Variants in MED1 observed in about 807,000 individuals in gnomAD.
MED1 encodes mediator of RNA polymerase II transcription subunit 1.
Under a neutral mutation model 121.3 loss-of-function variants are expected in MED1, and 17 were observed. The observed-to-expected ratio is 0.14, with a 90% CI of 0.10 to 0.21. MED1 has a LOEUF of 0.21. Ranked by LOEUF, MED1 falls within the 10% of genes least tolerant of loss-of-function variation. The probability of loss-of-function intolerance (pLI) is 1.00; values close to 1 mark genes in which losing one functional copy is unlikely to be tolerated. For missense variants in MED1, 1,558 were observed against 1,919.4 expected, an observed-to-expected ratio of 0.81 and a Z score of 3.52; for synonymous variants, 661 against 694.4, an observed-to-expected ratio of 0.95 and a Z score of 0.76.
In MED1 at chr17:39,434,378, T is replaced by C. The variant is rs937050234; in HGVS notation, c.429-58A>G. 4.6e-6 allele frequency: 4 copies of C among 876,346 alleles called. No homozygotes were observed. In the African/African-American group the frequency reaches 5.3e-5, roughly 12 times the overall value. 54.3% of individuals were successfully genotyped at this position (876,346 alleles called of 1,614,324 possible). ...GGAAAATAAAACATAAAATTACTAC[T>C]CAATCTTACAACAAAGTGCCAAAAA... is the stretch of plus-strand genomic sequence containing the variant. On this transcript the variant is annotated intron_variant, in intron 6 of 16. Coordinates refer to ENST00000300651, the MANE Select transcript of MED1 (RefSeq NM_004774.4).
At position 39,451,132 on chromosome 17, in the gene MED1, A is replaced by C; in HGVS notation, c.-70T>G. ...CTTCCCCACCACTAACGGAGGAAAC[A>C]AGTTGGCTCGGGATCCCGGGACGCA... On this transcript the variant is annotated 5_prime_UTR_variant, in exon 1 of 17. Transcript: ENST00000300651. The C allele has an allele frequency of 6.3e-7, 1 of 1,583,412 alleles. No homozygotes were observed. The highest frequency in any genetic ancestry group is 8.6e-7 in the Non-Finnish European group (1 of 1,159,274).
chr17:39,447,328 T>G (rs553995027), intron 2 of MED1, among the ~76,000 whole-genome samples: 2 of 151,708 alleles, frequency 1.3e-5, no homozygotes, highest in Non-Finnish European at 2.9e-5. Context: ...GAGGCAGAGG[T>G]TGCAGTGAGC....
chr17:39,429,115 T>C (rs1417933863), intron 9 of MED1, among the ~76,000 whole-genome samples: 1 of 149,382 alleles, frequency 6.7e-6, no homozygotes, highest in Non-Finnish European at 1.5e-5. Context: ...AAGCCAGGAG[T>C]TCAAGTCTAT....
chr17:39,419,282 C>T (rs943981861), intron 14 of MED1, among the ~76,000 whole-genome samples: 2 of 150,824 alleles, frequency 1.3e-5, no homozygotes, highest in Non-Finnish European at 3.0e-5. Flanking sequence ...TTGCCATGTT[C>T]CTCAGACCGA....
rs975304626 is a variant in MED1, at chr17:39,415,595, G to A, written c.1298-256C>T. ...AGAGGCTGAGGTGGGCTCATCACCT[G>A]AGGTCAGGAGTTCGAGACAAGCCTG... On this transcript the variant is annotated intron_variant, in intron 14 of 16. Coordinates refer to ENST00000300651, the MANE Select transcript of MED1 (RefSeq NM_004774.4). Among the ~76,000 whole-genome samples, 5 of 152,236 alleles carry A rather than the reference G, an allele frequency of 3.3e-5. No homozygotes were observed. In the East Asian group the frequency reaches 7.7e-4, roughly 24 times the overall value.
rs142291167 is a variant in MED1 at position 39,413,144 on chromosome 17, G to A, written c.1499+1882C>T. 1.0e-3 allele frequency among the ~76,000 whole-genome samples: 152 copies of A among 151,900 alleles called. 1 individual carries two copies. The highest frequency in any genetic ancestry group is 3.4e-3 in the African/African-American group (142 of 41,438). On this transcript the variant is annotated intron_variant, in intron 16 of 16. Transcript: ENST00000300651. ...GGCTGGAGTGGAGTGGCACAATCTCGGCTCACTGCAGCCTCCGCCTCCCAG... is the reference window on the plus strand; with the variant it reads ...GGCTGGAGTGGAGTGGCACAATCTCAGCTCACTGCAGCCTCCGCCTCCCAG...
At chr17:39,429,211 G>T (rs973596381) in intron 9 of MED1, among the ~76,000 whole-genome samples, 3 of 151,958 alleles carry the variant, frequency 2.0e-5, no homozygotes, top group Admixed American at 6.6e-5. Context: ...AGTTACCCAG[G>T]CATGGTGGCA....
chr17:39,448,339 C>T (rs952713772), intron 1 of MED1, among the ~76,000 whole-genome samples: 1 of 150,364 alleles, frequency 6.7e-6, no homozygotes, highest in Non-Finnish European at 1.5e-5. Context: ...TATTGCACTC[C>T]AGCATGGGCA....
In MED1 at chr17:39,406,132, C is replaced by T; in HGVS notation, c.*1343G>A. ...TATGTGAAGGGCTCTTATTGATGTCCCCCAGAATCCAGACTCAGACCTATT... is the reference window on the plus strand; with the variant it reads ...TATGTGAAGGGCTCTTATTGATGTCTCCCAGAATCCAGACTCAGACCTATT... On this transcript the variant is annotated 3_prime_UTR_variant, in exon 17 of 17. Coordinates refer to ENST00000300651, the MANE Select transcript of MED1 (RefSeq NM_004774.4). The T allele has an allele frequency of 1.0e-6, 1 of 985,420 alleles. No individual in the cohort carries two copies. The highest frequency in any genetic ancestry group is 1.2e-6 in the Non-Finnish European group (1 of 829,908). 61.0% of individuals were successfully genotyped at this position (985,420 alleles called of 1,614,324 possible). A position where few individuals can be genotyped will look rare whatever the true frequency, so the allele number is the denominator to read the frequency against.
chr17:39,411,792 G>C (rs2048357922), intron 16 of MED1, among the ~76,000 whole-genome samples: 2 of 150,988 alleles, frequency 1.3e-5, no homozygotes, highest in South Asian at 4.2e-4. Context: ...AGGGTCAGGA[G>C]TTTTGAGACC....
At chr17:39,410,972 T>G (rs2048350184) in intron 16 of MED1, among the ~76,000 whole-genome samples, 1 of 152,168 alleles carries the variant, frequency 6.6e-6, no homozygotes, top group South Asian at 2.1e-4. Flanking sequence ...TCCAAATAAT[T>G]GAATTTCAAA....
rs1278538369 is a variant in MED1 at position 39,423,813 on chromosome 17, G to T, written c.860C>A (p.Ser287Tyr). 1.2e-6 allele frequency: 2 copies of T among 1,606,712 alleles called. No individual in the cohort carries two copies. The highest frequency in any genetic ancestry group is 1.7e-6 in the Non-Finnish European group (2 of 1,178,008). The change falls in exon 12 of 17, where the codon TCC (serine) becomes TAC (tyrosine). Residue 287 changes from serine (S) to tyrosine (Y), a missense_variant. This residue lies in a region of MED1 where 443 missense variants were observed against 532.4 expected (regional missense o/e 0.83). Coordinates refer to ENST00000300651, the MANE Select transcript of MED1 (RefSeq NM_004774.4). ...GTTGGCACTGGTGATTGAGGAGAAGGAAGGGGTCCTTCAAAAAAAAGAGGG... is the reference window on the plus strand; with the variant it reads ...GTTGGCACTGGTGATTGAGGAGAAGTAAGGGGTCCTTCAAAAAAAAGAGGG... Reference protein sequence around the residue: ...SHPVDNKWTPSFSSITSANSV... With the variant: ...SHPVDNKWTPYFSSITSANSV...
At chr17:39,444,098 T>A (rs1374458886) in intron 2 of MED1, among the ~76,000 whole-genome samples, 1 of 152,148 alleles carries the variant, frequency 6.6e-6, no homozygotes, top group African/African-American at 2.4e-5. Flanking sequence ...TGCTAAGATA[T>A]AAACAGTTAA....
In MED1 at chr17:39,440,518, T is replaced by C; in HGVS notation, c.267A>G (p.Gly89=). The C allele has an allele frequency of 1.2e-6, 2 of 1,612,030 alleles. No individual in the cohort carries two copies. Among genetic ancestry groups the C allele is most frequent in the Non-Finnish European group, 1.7e-6 (2 of 1,179,600 alleles). Reference sequence around the variant, plus strand: ...CACTGGCACTGAGATGAGAGCCCAGTCTAGCAGGAACAAATCAAAACAAAA... The same window carrying C: ...CACTGGCACTGAGATGAGAGCCCAGCCTAGCAGGAACAAATCAAAACAAAA... ...DRLESIARQN[G]LGSHLSASGT... Residue 89 remains glycine, a splice_region_variant and synonymous_variant, in exon 5 of 17, where the codon GGA becomes GGG. Transcript: ENST00000300651. This position sits in a 1 kb window ranked among gnomAD's most constrained non-coding sequence, Gnocchi z 4.1.
Position 39,424,646 on chromosome 17 carries a change from G to C in MED1, c.832C>G (p.His278Asp). 1 of 1,594,292 alleles carries C rather than the reference G, an allele frequency of 6.3e-7. No individual in the cohort carries two copies. Among genetic ancestry groups the C allele is most frequent in the Non-Finnish European group, 8.6e-7 (1 of 1,166,736 alleles). ...ACTTACCATTTATTGTCAACTGGAT[G>C]TGACCCCATAATTAATGGTGCAATT... ...LPIAPLIMGSHPVDNKWTPSF... is the reference protein window; with the variant it reads ...LPIAPLIMGSDPVDNKWTPSF... Residue 278 changes from histidine (H) to aspartate (D), a missense_variant, in exon 11 of 17, where the codon CAT (histidine) becomes GAT (aspartate). Transcript: ENST00000300651.
At position 39,408,671 on chromosome 17, in the gene MED1, G is replaced by T. The variant is rs1332893706; in HGVS notation, c.3550C>A (p.Pro1184Thr). 2 of 1,614,022 alleles carry T rather than the reference G, an allele frequency of 1.2e-6. No homozygotes were observed. The highest frequency in any genetic ancestry group is 1.7e-6 in the Non-Finnish European group (2 of 1,180,030). Reference protein sequence around the residue: ...PQGKPSSLMNPSLSKPNISPS... With the variant: ...PQGKPSSLMNTSLSKPNISPS... Reference sequence around the variant, plus strand: ...GATATGTTTGGTTTACTTAAAGAAGGATTCATAAGTGATGATGGCTTTCCT... The same window carrying T: ...GATATGTTTGGTTTACTTAAAGAAGTATTCATAAGTGATGATGGCTTTCCT... The change falls in exon 17 of 17, where the codon CCT becomes ACT. Residue 1184 changes from proline to threonine, a missense_variant. This residue lies in a region of MED1 where 793 missense variants were observed against 898.2 expected (regional missense o/e 0.88). Coordinates refer to ENST00000300651, the MANE Select transcript of MED1 (RefSeq NM_004774.4). The surrounding 1 kb of genome is among the most constrained non-coding windows in gnomAD (Gnocchi z 4.7).
In MED1 at chr17:39,407,757, T is replaced by C; in HGVS notation, c.4464A>G (p.Pro1488=). 1 of 1,614,180 alleles carries C rather than the reference T, an allele frequency of 6.2e-7. No homozygotes were observed. The highest frequency in any genetic ancestry group is 8.5e-7 in the Non-Finnish European group (1 of 1,180,022). ...NSPSSDDGIR[P]LPEYSTEKHK... ...GTTTCTCTGTGCTGTATTCTGGAAGTGGTCGGATACCATCGTCTGAGCTGG... is the reference window on the plus strand; with the variant it reads ...GTTTCTCTGTGCTGTATTCTGGAAGCGGTCGGATACCATCGTCTGAGCTGG... Residue 1488 remains proline (P), a synonymous_variant, in exon 17 of 17, where the codon CCA becomes CCG. Transcript: ENST00000300651.
chr17:39,440,336 T>C lies in MED1; in HGVS notation c.399+50A>G, dbSNP rs2048663799. ...CCCCAACAATTAATTTTAAAATTAA[T>C]GTCCCTAAGTAAACCCCACAGATTC... On this transcript the variant is annotated intron_variant, in intron 5 of 16. Coordinates refer to ENST00000300651, the MANE Select transcript of MED1 (RefSeq NM_004774.4). The surrounding 1 kb of genome is among the most constrained non-coding windows in gnomAD (Gnocchi z 4.1). 1 of 1,499,998 alleles carries C rather than the reference T, an allele frequency of 6.7e-7. No homozygotes were observed. Among genetic ancestry groups the C allele is most frequent in the Non-Finnish European group, 8.9e-7 (1 of 1,128,544 alleles). The allele number at this position is 1,499,998 out of a possible 1,614,324, so 92.9% of individuals were successfully genotyped here.
At chr17:39,417,491 T>C (rs189094755) in intron 14 of MED1, among the ~76,000 whole-genome samples, 30 of 151,304 alleles carry the variant, frequency 2.0e-4, no homozygotes, top group Admixed American at 5.3e-4. Flanking sequence ...TAGCCGGGCG[T>C]GATGGCGGGT....
Sources: gnomAD v4.1 joint callset for allele counts (sites outside exome capture counted in the v4.1 genomes callset) on GRCh38, gnomAD v4.1.1 for gene constraint, gnomAD v4.1.1 regional missense constraint, Gnocchi (gnomAD v3.1) non-coding constraint, MANE v1.5 for transcripts, NCBI Gene and HGNC (gene_info 2026-07-23, HGNC 2026-07-21) for gene names.